CAST: variants seen among roughly 807,000 people sequenced by gnomAD.
The protein encoded by CAST is MIR583 host.
In CAST, 76 loss-of-function variants were observed where a neutral mutation model predicts 119.6. The observed-to-expected ratio is 0.64, with a 90% CI of 0.53 to 0.77. The LOEUF is 0.77. Ranked by LOEUF, CAST falls within the 30% of genes least tolerant of loss-of-function variation. The probability of loss-of-function intolerance (pLI) is 0.00; values close to 1 mark genes in which losing one functional copy is unlikely to be tolerated. For synonymous variants in CAST, 319 were observed against 331.6 expected (o/e 0.96, Z 0.41); for missense variants, 953 against 946.5 (o/e 1.01, Z -0.09).
At chr5:96,331,080 T>A in the CAST span, among the ~76,000 whole-genome samples, 1 of 152,124 alleles carries the variant, frequency 6.6e-6, no homozygotes, top group Non-Finnish European at 1.5e-5. Context: ...AATTATGGAT[T>A]CCATTTCCAG....
At chr5:96,414,092 T>C in the CAST span, among the ~76,000 whole-genome samples, 1 of 145,528 alleles carries the variant, frequency 6.9e-6, no homozygotes, top group African/African-American at 2.6e-5. Flanking sequence ...TGAGCCGAGA[T>C]CGCGCCACTG....
chr5:96,093,142 A>T, the CAST span, among the ~76,000 whole-genome samples: 1 of 152,052 alleles, frequency 6.6e-6, no homozygotes, highest in African/African-American at 2.4e-5. Context: ...AAATTAAAAT[A>T]AAAAAAATGA....
At chr5:95,998,155 C>T in the CAST span, among the ~76,000 whole-genome samples, 1 of 151,580 alleles carries the variant, frequency 6.6e-6, no homozygotes. Context: ...GTATATTTTA[C>T]ATCTCATAAA....
chr5:96,347,045 T>C, the CAST span, among the ~76,000 whole-genome samples: 1 of 152,104 alleles, frequency 6.6e-6, no homozygotes, highest in African/African-American at 2.4e-5. Context: ...GTTTCAGCAG[T>C]GGCAGTAACT....
chr5:96,606,131 C>A (rs377092518), intron 1 of CAST, among the ~76,000 whole-genome samples: 10 of 152,124 alleles, frequency 6.6e-5, no homozygotes, highest in African/African-American at 2.4e-4. Flanking sequence ...TGGCTCTCAA[C>A]CCTGAAGCAC....
At chr5:96,350,363 A>G in the CAST span, among the ~76,000 whole-genome samples, 1 of 152,114 alleles carries the variant, frequency 6.6e-6, no homozygotes, top group East Asian at 1.9e-4. Context: ...GGCTCCATAA[A>G]TCTGCATTTT....
chr5:96,113,630 G>C, the CAST span, among the ~76,000 whole-genome samples: 1 of 152,244 alleles, frequency 6.6e-6, no homozygotes, highest in Non-Finnish European at 1.5e-5. Flanking sequence ...CTTTCAGCTG[G>C]AGTGGCTTTT....
At chr5:96,217,469 T>C in the CAST span, among the ~76,000 whole-genome samples, 1 of 152,124 alleles carries the variant, frequency 6.6e-6, no homozygotes. Context: ...CTATAACCAT[T>C]TGGTGCCGCT....
chr5:96,047,426 G>A, the CAST span, among the ~76,000 whole-genome samples: 1 of 152,028 alleles, frequency 6.6e-6, no homozygotes. Flanking sequence ...GAACTCAAAT[G>A]AAATAATATT....
the CAST span, among the ~76,000 whole-genome samples, chr5:96,096,113 G>A: frequency 1.3e-5 from 2 of 152,236 alleles, no homozygotes; most frequent in South Asian, 2.1e-4. Flanking sequence ...AATCATGGAA[G>A]GTGTGATTCA....
the CAST span, among the ~76,000 whole-genome samples, chr5:95,965,954 T>A: frequency 2.0e-5 from 3 of 152,180 alleles, no homozygotes; most frequent in Admixed American, 1.3e-4. Context: ...ATCATCATTA[T>A]TGCTAAATTT....
chr5:96,299,787 T>C, the CAST span, among the ~76,000 whole-genome samples: 2 of 152,212 alleles, frequency 1.3e-5, no homozygotes, highest in African/African-American at 4.8e-5. Flanking sequence ...TTTTATTATA[T>C]ATTGACAAGT....
chr5:96,370,201 T>C, the CAST span, among the ~76,000 whole-genome samples: 27 of 151,988 alleles, frequency 1.8e-4, 1 homozygote, highest in African/African-American at 6.3e-4. Context: ...CTCAGAGAAG[T>C]TAAATGTCTT....
the CAST span, among the ~76,000 whole-genome samples, chr5:96,105,947 T>G: frequency 6.6e-6 from 1 of 152,232 alleles, no homozygotes; most frequent in Non-Finnish European, 1.5e-5. Flanking sequence ...TTCAACTTCT[T>G]CCTGGTTTAG....
chr5:95,984,888 G>A, the CAST span, among the ~76,000 whole-genome samples: 17 of 152,114 alleles, frequency 1.1e-4, no homozygotes, highest in African/African-American at 2.7e-4. Flanking sequence ...TATTGATTAC[G>A]TGTTGAATAT....
the CAST span, among the ~76,000 whole-genome samples, chr5:96,267,030 G>GA: frequency 1.3e-5 from 2 of 152,114 alleles, no homozygotes; most frequent in African/African-American, 4.8e-5. Flanking sequence ...TTGCTGAACT[G>GA]AAAAATGTAT....
At chr5:96,474,678 C>T in the CAST span, among the ~76,000 whole-genome samples, 446 of 152,206 alleles carry the variant, frequency 2.9e-3, 1 homozygote, top group African/African-American at 0.01. Flanking sequence ...AGGCCCCCTG[C>T]TTGTCACATG....
chr5:96,374,209 T>A, the CAST span, among the ~76,000 whole-genome samples: 1 of 152,186 alleles, frequency 6.6e-6, no homozygotes, highest in African/African-American at 2.4e-5. Context: ...GTTTTCCAAT[T>A]CAAAAAACAG....
At chr5:96,287,386 C>T in the CAST span, among the ~76,000 whole-genome samples, 1 of 152,206 alleles carries the variant, frequency 6.6e-6, no homozygotes, top group South Asian at 2.1e-4. Context: ...GAGTCATTTC[C>T]ATGACAATAT....
Sources: gnomAD v4.1 joint callset for allele counts (sites outside exome capture counted in the v4.1 genomes callset) on GRCh38, gnomAD v4.1.1 for gene constraint, MANE v1.5 for transcripts, NCBI Gene and HGNC (gene_info 2026-07-23, HGNC 2026-07-21) for gene names.